The following CCDC125 variants were observed in gnomAD, a reference collection of about 807,000 sequenced individuals.
CCDC125 encodes the protein coiled-coil domain containing 125.
CCDC125 carries 43 observed loss-of-function variants against 57.4 expected under a neutral mutation model. The ratio of observed to expected loss-of-function variants is 0.75; its 90% confidence interval spans 0.59 to 0.97. The LOEUF (loss-of-function observed/expected upper bound fraction) is 0.97, where lower values mean the gene tolerates loss of function less well. Ranked by LOEUF, CCDC125 falls within the 50% of genes least tolerant of loss-of-function variation. The pLI is 0.00. For missense variants in CCDC125, 563 were observed against 595.7 expected, an observed-to-expected ratio of 0.95 and a Z score of 0.57; for synonymous variants, 187 against 195.2, an observed-to-expected ratio of 0.96 and a Z score of 0.35.
At chr5:69,314,942 T>A (rs531274441) in intron 2 of CCDC125, among the ~76,000 whole-genome samples, 3 of 152,264 alleles carry the variant, frequency 2.0e-5, no homozygotes, top group Admixed American at 2.0e-4. Context: ...GCTTGAATGA[T>A]GTAGTGGTAT....
At chr5:69,287,520 C>G (rs1050354895) in intron 10 of CCDC125, among the ~76,000 whole-genome samples, 1 of 152,024 alleles carries the variant, frequency 6.6e-6, no homozygotes, top group African/African-American at 2.4e-5. Context: ...ACCTCAGCCT[C>G]CCAAAGTCCT....
the CCDC125 span, among the ~76,000 whole-genome samples, chr5:69,273,849 T>G: frequency 6.6e-6 from 1 of 152,190 alleles, no homozygotes; most frequent in Non-Finnish European, 1.5e-5. Flanking sequence ...AAGCCTTCTC[T>G]TTTTAGCAAT....
intron 3 of CCDC125, among the ~76,000 whole-genome samples, chr5:69,311,934 T>C (rs533883919): frequency 1.3e-5 from 2 of 152,156 alleles, no homozygotes; most frequent in Admixed American, 6.5e-5. Flanking sequence ...GGAGTTTCAC[T>C]ATATTGGCCA....
At chr5:69,331,278 G>A (rs1021375814) in intron 1 of CCDC125, among the ~76,000 whole-genome samples, 26 of 151,908 alleles carry the variant, frequency 1.7e-4, no homozygotes, top group Admixed American at 6.6e-5. Context: ...TGTCACCCAC[G>A]CTGGAGTGCA....
downstream of CCDC125, chr5:69,277,191 T>G (rs1279545525): frequency 7.6e-7 from 1 of 1,321,624 alleles, no homozygotes; most frequent in East Asian, 2.4e-5. Context: ...AGGCAAATAA[T>G]GGAAAAATAG....
intron 8 of CCDC125, among the ~76,000 whole-genome samples, chr5:69,298,523 C>A (rs1222328443): frequency 1.3e-5 from 2 of 152,160 alleles, no homozygotes; most frequent in African/African-American, 4.8e-5. Flanking sequence ...AGGTCTTTTC[C>A]CTTTTCATTT....
At position 69,282,259 on chromosome 5, in the gene CCDC125, T is replaced by TTGTAGAAAA. The variant is rs1752548690; in HGVS notation, c.*461_*469dup. ...AATGTCAACACAGAATACTAATTTCTTGTAGAAAATGTAGAAAATAGGCTG... is the reference window on the plus strand; with the variant it reads ...AATGTCAACACAGAATACTAATTTCTTGTAGAAAATGTAGAAAATGTAGAAAATAGGCTG... On this transcript the variant is annotated 3_prime_UTR_variant, in exon 12 of 12. Transcript: ENST00000396496. 6.6e-6 allele frequency: 1 copy of TTGTAGAAAA among 152,552 alleles called. No homozygotes were observed. Among genetic ancestry groups the TTGTAGAAAA allele is most frequent in the African/African-American group, 2.4e-5 (1 of 41,458 alleles). The allele number at this position is 152,552 out of a possible 1,614,324, so 9.4% of individuals were successfully genotyped here.
the CCDC125 span, among the ~76,000 whole-genome samples, chr5:69,273,208 A>G: frequency 2.6e-5 from 4 of 152,076 alleles, no homozygotes; most frequent in Admixed American, 6.6e-5. Flanking sequence ...TACAAACACT[A>G]TTAAGACTGA....
At chr5:69,302,780 T>A (rs566821094) in intron 7 of CCDC125, among the ~76,000 whole-genome samples, 9 of 152,230 alleles carry the variant, frequency 5.9e-5, no homozygotes, top group Admixed American at 5.2e-4. Flanking sequence ...ACTTTCATCG[T>A]AAGGTAGACC....
chr5:69,323,567 A>G (rs893334182), intron 1 of CCDC125, among the ~76,000 whole-genome samples: 1 of 152,044 alleles, frequency 6.6e-6, no homozygotes, highest in Admixed American at 6.6e-5. Flanking sequence ...GAATCAACCA[A>G]TGTGGAACTC....
chr5:69,295,886 CT>C (rs35947616), intron 8 of CCDC125, among the ~76,000 whole-genome samples: 170 of 140,684 alleles, frequency 1.2e-3, no homozygotes, highest in Admixed American at 1.9e-3. Context: ...ACACTGACTT[CT>C]TTTTTTTTTT....
chr5:69,316,160 G>C (rs1362346030), intron 2 of CCDC125, among the ~76,000 whole-genome samples: 2 of 152,162 alleles, frequency 1.3e-5, no homozygotes, highest in African/African-American at 4.8e-5. Flanking sequence ...AGTGACTCTG[G>C]GTTGGCAGTG....
intron 1 of CCDC125, among the ~76,000 whole-genome samples, chr5:69,321,845 T>C (rs77291831): frequency 3.3e-5 from 5 of 152,202 alleles, no homozygotes; most frequent in Admixed American, 6.5e-5. Context: ...AACTCTTTTT[T>C]TTTTCTTTTA....
intron 3 of CCDC125, among the ~76,000 whole-genome samples, 194 bp from the exon 4 acceptor site, chr5:69,311,398 C>G (rs1758115209): frequency 6.6e-6 from 1 of 152,124 alleles, no homozygotes; most frequent in South Asian, 2.1e-4. Flanking sequence ...GACCTGTAAT[C>G]CCTGCATTTT....
chr5:69,274,032 T>C, the CCDC125 span, among the ~76,000 whole-genome samples: 1 of 152,206 alleles, frequency 6.6e-6, no homozygotes, highest in Admixed American at 6.5e-5. Flanking sequence ...ACATACTCTT[T>C]TAATTTCAAA....
intron 1 of CCDC125, among the ~76,000 whole-genome samples, chr5:69,324,093 A>C (rs1329569238): frequency 6.6e-6 from 1 of 150,774 alleles, no homozygotes; most frequent in Non-Finnish European, 1.5e-5. Context: ...AGATCTCTCT[A>C]TTCTTCCACT....
chr5:69,308,437 T>G (rs980058519), intron 4 of CCDC125: 8 of 214,450 alleles, frequency 3.7e-5, no homozygotes, highest in Non-Finnish European at 7.6e-5. Flanking sequence ...ACTGTTCTCA[T>G]GGTAGTGAAT....
rs555733267 is a variant in CCDC125, at chr5:69,299,157, C to G, written c.816+855G>C. Among the ~76,000 whole-genome samples, 183 of 150,772 alleles carry G rather than the reference C, an allele frequency of 1.2e-3. 1 individual carries two copies. Among genetic ancestry groups the G allele is most frequent in the Non-Finnish European group, 2.0e-3 (139 of 67,808 alleles). The stretch of plus-strand genomic sequence containing the variant: ...CGGAGTCTCGCTCTTTCGCCCAGGC[C>G]AGACTGCAGTGGCGCGATCTCGGCT... On this transcript the variant is annotated intron_variant, in intron 8 of 11. Transcript: ENST00000396496.
intron 1 of CCDC125, among the ~76,000 whole-genome samples, chr5:69,327,030 C>G (rs978872941): frequency 2.0e-5 from 3 of 151,974 alleles, no homozygotes; most frequent in Non-Finnish European, 4.4e-5. Context: ...AGAGCAAGAC[C>G]CTGTCTCTAA....
Sources: gnomAD v4.1 joint callset for allele counts (sites outside exome capture counted in the v4.1 genomes callset) on GRCh38, gnomAD v4.1.1 for gene constraint, MANE v1.5 for transcripts, NCBI Gene and HGNC (gene_info 2026-07-23, HGNC 2026-07-21) for gene names.